NBN: variants seen among roughly 807,000 people sequenced by gnomAD.
NBN encodes the protein Nijmegen breakage syndrome 1 (nibrin).
A neutral mutation model predicts 90.8 loss-of-function variants in NBN; 88 were observed. The observed-to-expected ratio is 0.97, with a 90% CI of 0.82 to 1.16. The LOEUF (loss-of-function observed/expected upper bound fraction) is 1.16. Among genes scored for constraint, NBN ranks in the 50% most tolerant of loss-of-function variants. The pLI is 0.00. For synonymous variants in NBN, 328 were observed against 295.1 expected (o/e 1.11, Z -1.14); for missense variants, 894 against 869.6 (o/e 1.03, Z -0.35).
intron 3 of NBN, 34 bp downstream of exon 3, chr8:89,981,341 T>A: frequency 1.3e-6 from 2 of 1,591,208 alleles, no homozygotes; most frequent in Non-Finnish European, 1.7e-6. Context: ...GAAACAAAGC[T>A]GTCCATTTTA....
intron 6 of NBN, 49 bp from the exon 7 acceptor site, chr8:89,970,606 G>C: frequency 6.6e-7 from 1 of 1,521,374 alleles, no homozygotes; most frequent in Non-Finnish European, 9.1e-7. Flanking sequence ...GTAATTTTTT[G>C]AACACATAAG....
At chr8:89,958,493 G>A (rs1430968814) in intron 9 of NBN, among the ~76,000 whole-genome samples, 1 of 152,186 alleles carries the variant, frequency 6.6e-6, no homozygotes, top group Non-Finnish European at 1.5e-5. Flanking sequence ...TACAGTGGCA[G>A]AGTGGAGGAG....
chr8:89,973,315 C>T (rs1297848679), intron 5 of NBN, among the ~76,000 whole-genome samples: 1 of 152,128 alleles, frequency 6.6e-6, no homozygotes, highest in Non-Finnish European at 1.5e-5. Flanking sequence ...CCTTCAATTC[C>T]CTCAAGTATA....
chr8:89,947,688 C>A (rs1473587621), intron 12 of NBN, 136 bp downstream of exon 12: 4 of 528,904 alleles, frequency 7.6e-6, no homozygotes, highest in Non-Finnish European at 1.4e-5. Context: ...ATGATCAATC[C>A]ATTTCAAGGC....
intron 14 of NBN, among the ~76,000 whole-genome samples, chr8:89,937,593 C>A (rs1809752593): frequency 6.6e-6 from 1 of 152,206 alleles, no homozygotes; most frequent in Admixed American, 6.5e-5. Context: ...GAGTCAGAAT[C>A]AAAAACTCCC....
chr8:89,971,248 A>G lies in NBN; in HGVS notation c.627T>C (p.Asn209=), dbSNP rs767520591. 3 of 1,613,148 alleles carry G rather than the reference A, an allele frequency of 1.9e-6. No homozygotes were observed. The highest frequency in any genetic ancestry group is 2.7e-5 in the African/African-American group (2 of 74,856). ...PLDEPSIGSK[N]VDLSGRQERK... is the part of the protein sequence containing the mutation. ...TTTCCTGCCGTCCTGACAGATCAACATTTTTACTTCCAATAGATGGTTCAT... is the reference window on the plus strand; with the variant it reads ...TTTCCTGCCGTCCTGACAGATCAACGTTTTTACTTCCAATAGATGGTTCAT... Residue 209 remains asparagine (N), a synonymous_variant, in exon 6 of 16, where the codon AAT becomes AAC. Transcript: ENST00000265433.
At chr8:89,981,563 A>G in intron 2 of NBN, 40 bp from the exon 3 acceptor site, 1 of 1,607,450 alleles carries the variant, frequency 6.2e-7, no homozygotes, top group Non-Finnish European at 8.5e-7. Context: ...TTTACCACTC[A>G]GTACATTCAC....
intron 11 of NBN, among the ~76,000 whole-genome samples, chr8:89,951,022 A>G (rs973973469): frequency 1.4e-4 from 21 of 152,172 alleles, no homozygotes; most frequent in Middle Eastern, 6.8e-3. Flanking sequence ...AATTTAAGGG[A>G]AAAAAAGTGG....
At chr8:89,956,353 A>G (rs1190336947) in intron 9 of NBN, among the ~76,000 whole-genome samples, 1 of 152,164 alleles carries the variant, frequency 6.6e-6, no homozygotes, top group Non-Finnish European at 1.5e-5. Context: ...AAGTATCTTA[A>G]TATGAACACT....
intron 13 of NBN, among the ~76,000 whole-genome samples, chr8:89,944,088 GTTTT>G (rs1224194744): frequency 6.6e-6 from 1 of 151,756 alleles, no homozygotes; most frequent in Non-Finnish European, 1.5e-5. Flanking sequence ...GATTTGGAGG[GTTTT>G]TTGTTTGTTT....
chr8:89,969,665 G>T (rs1000856520), intron 7 of NBN, among the ~76,000 whole-genome samples: 7 of 152,106 alleles, frequency 4.6e-5, no homozygotes, highest in African/African-American at 1.4e-4. Flanking sequence ...ATTAATTCTT[G>T]TATCGGCCGG....
At chr8:89,939,504 C>T (rs555719236) in intron 14 of NBN, among the ~76,000 whole-genome samples, 2 of 152,046 alleles carry the variant, frequency 1.3e-5, no homozygotes, top group East Asian at 3.9e-4. Context: ...CTTCTCCCAT[C>T]TAAAATTAAT....
rs375885975 is a variant in NBN, at chr8:89,955,374, A to G, written c.1306T>C (p.Leu436=). ...IPNYQLSPTK[L]PSINKSKDRA... is the part of the protein sequence containing the mutation. The stretch of plus-strand genomic sequence containing the variant: ...TCTTTACTTTTATTTATACTTGGCA[A>G]TTTAGTTGGTGAAAGCTGATAGTTT... Residue 436 remains leucine, a synonymous_variant, in exon 10 of 16, where the codon TTG becomes CTG. Coordinates refer to ENST00000265433, the MANE Select transcript of NBN (RefSeq NM_002485.5). 34 of 1,613,750 alleles carry G rather than the reference A, an allele frequency of 2.1e-5. No individual in the cohort carries two copies. The highest frequency in any genetic ancestry group is 2.3e-5 in the Non-Finnish European group (27 of 1,179,768).
chr8:89,938,464 A>C lies in NBN; in HGVS notation c.2185-1389T>G, dbSNP rs568138931. Among the ~76,000 whole-genome samples the C allele has an allele frequency of 1.8e-3, 267 of 151,656 alleles. 1 individual carries two copies. The highest frequency in any genetic ancestry group is 5.5e-3 in the African/African-American group (227 of 41,142). ...TATCTTAAACTCTCTCTCTCTCTCT[A>C]TATGTGTGTGTGTGTATATATATAT... On this transcript the variant is annotated intron_variant, in intron 14 of 15. Coordinates refer to ENST00000265433, the MANE Select transcript of NBN (RefSeq NM_002485.5).
intron 12 of NBN, among the ~76,000 whole-genome samples, chr8:89,947,079 G>C (rs762771057): frequency 2.0e-5 from 3 of 152,118 alleles, no homozygotes; most frequent in Non-Finnish European, 4.4e-5. Flanking sequence ...AGAAAAAAAG[G>C]TTCATCTGAT....
chr8:89,934,718 C>T lies in NBN; in HGVS notation c.*864G>A, dbSNP rs1462313813. ...ACATGAATATATTTTTGAACACAGA[C>T]TTGAAAATCACTTGTCAATAAAGTT... On this transcript the variant is annotated 3_prime_UTR_variant, in exon 16 of 16. Coordinates refer to ENST00000265433, the MANE Select transcript of NBN (RefSeq NM_002485.5). The T allele has an allele frequency of 8.6e-6, 2 of 233,078 alleles. No individual in the cohort carries two copies. Among genetic ancestry groups the T allele is most frequent in the Non-Finnish European group, 8.5e-6 (1 of 118,014 alleles). The allele number at this position is 233,078 out of a possible 1,614,324, so 14.4% of individuals were successfully genotyped here.
chr8:89,958,611 T>C, intron 9 of NBN, 114 bp downstream of exon 9: 1 of 1,273,312 alleles, frequency 7.9e-7, no homozygotes, highest in Non-Finnish European at 1.1e-6. Flanking sequence ...TGGTATCCCA[T>C]TCTTCCATGC....
chr8:89,953,255 T>C lies in NBN; in HGVS notation c.1834A>G (p.Ser612Gly). 6.2e-7 allele frequency: 1 copy of C among 1,607,628 alleles called. No individual in the cohort carries two copies. The highest frequency in any genetic ancestry group is 1.1e-5 in the South Asian group (1 of 90,944). ...AAAATGTTACTTACAGATATTTTGC[T>C]ACTTTCTGGTACTGCTTCATCACTG... Reference protein sequence around the residue: ...TFSDEAVPESSKISQENEIGK... With the variant: ...TFSDEAVPESGKISQENEIGK... Residue 612 changes from serine to glycine, a missense_variant, in exon 11 of 16, where the codon AGC becomes GGC. Ser to Gly is a moderately conservative substitution (Grantham distance 56, BLOSUM62 0). Transcript: ENST00000265433.
rs1252203605 is a variant in NBN at position 89,955,518 on chromosome 8, T to G, written c.1162A>C (p.Lys388Gln). 2 of 1,613,638 alleles carry G rather than the reference T, an allele frequency of 1.2e-6. No individual in the cohort carries two copies. The highest frequency in any genetic ancestry group is 2.2e-5 in the South Asian group (2 of 91,062). The change falls in exon 10 of 16, where the codon AAA (lysine) becomes CAA (glutamine). Residue 388 changes from lysine (K) to glutamine (Q), a missense_variant. Lys to Gln is a moderately conservative substitution (Grantham distance 53). Coordinates refer to ENST00000265433, the MANE Select transcript of NBN (RefSeq NM_002485.5). ...AGCATTCTGAATTTTTGTTCCATTT[T>G]GGAGACTTTGATTTCTTTTGGCCTT... ...SERPKEIKVS[K>Q]MEQKFRMLSQ...
Sources: gnomAD v4.1 joint callset for allele counts (sites outside exome capture counted in the v4.1 genomes callset) on GRCh38, gnomAD v4.1.1 for gene constraint, MANE v1.5 for transcripts, NCBI Gene and HGNC (gene_info 2026-07-23, HGNC 2026-07-21) for gene names.